The following CAMTA1 variants were observed in gnomAD, a reference collection of about 807,000 sequenced individuals.
CAMTA1 encodes the protein calmodulin binding transcription activator 1, also known as calmodulin-binding transcription activator 1.
CAMTA1 carries 27 observed loss-of-function variants against 170.9 expected under a neutral mutation model. That is an observed-to-expected ratio of 0.16 (90% CI 0.12 to 0.22). The LOEUF is 0.22. Among genes scored for constraint, CAMTA1 ranks in the 10% least tolerant of loss-of-function variants. The pLI, the probability that CAMTA1 is intolerant of heterozygous loss-of-function variation, is 1.00. For synonymous variants in CAMTA1, 833 were observed against 891.5 expected, an observed-to-expected ratio of 0.93 and a Z score of 1.17; for missense variants, 1,619 against 2,217.2, an observed-to-expected ratio of 0.73 and a Z score of 5.42.
intron 11 of CAMTA1, among the ~76,000 whole-genome samples, chr1:7,695,215 C>T (rs2096362885): frequency 6.6e-6 from 1 of 152,116 alleles, no homozygotes; most frequent in Admixed American, 6.5e-5. Context: ...TGGAAGCCCC[C>T]AGCACTCTGG....
At chr1:7,133,123 C>T (rs1363460800) in intron 4 of CAMTA1, among the ~76,000 whole-genome samples, 1 of 152,058 alleles carries the variant, frequency 6.6e-6, no homozygotes, top group Non-Finnish European at 1.5e-5. Context: ...TGAAATGTTT[C>T]TTCCGCTCCT....
chr1:7,718,013 C>CGTA (rs2096623650), intron 11 of CAMTA1, among the ~76,000 whole-genome samples: 1 of 152,166 alleles, frequency 6.6e-6, no homozygotes, highest in Middle Eastern at 3.2e-3. Context: ...CTGGGATGAA[C>CGTA]GTAGTCACTG....
At position 7,745,851 on chromosome 1, in the gene CAMTA1, A is replaced by G. The variant is rs1360103368; in HGVS notation, c.4377A>G (p.Ala1459=). 1 of 1,614,202 alleles carries G rather than the reference A, an allele frequency of 6.2e-7. No individual in the cohort carries two copies. Among genetic ancestry groups the G allele is most frequent in the Non-Finnish European group, 8.5e-7 (1 of 1,180,034 alleles). The change falls in exon 18 of 23, where the codon GCA becomes GCG. Residue 1459 remains alanine (A), a synonymous_variant. Coordinates refer to ENST00000303635, the MANE Select transcript of CAMTA1 (RefSeq NM_015215.4). ...CLPSAAQIRS[A]YNEPLTPSSN... Reference sequence around the variant, plus strand: ...TTTTCTCCTCTTGTTTCAGAAGTGCATATAACGAGCCTCTAACCCCTTCTT... The same window carrying G: ...TTTTCTCCTCTTGTTTCAGAAGTGCGTATAACGAGCCTCTAACCCCTTCTT...
At chr1:7,397,197 T>G (rs1332076105) in intron 5 of CAMTA1, among the ~76,000 whole-genome samples, 1 of 152,210 alleles carries the variant, frequency 6.6e-6, no homozygotes, top group Non-Finnish European at 1.5e-5. Context: ...AATTTTCTAT[T>G]TCTTCATAAT....
At chr1:7,132,818 A>G (rs142422661) in intron 4 of CAMTA1, among the ~76,000 whole-genome samples, 1 of 152,324 alleles carries the variant, frequency 6.6e-6, no homozygotes, top group East Asian at 1.9e-4. Context: ...TTTTTCATGA[A>G]TGGATGTTGG....
chr1:7,183,201 G>A (rs896540202), intron 4 of CAMTA1, among the ~76,000 whole-genome samples: 3 of 152,082 alleles, frequency 2.0e-5, no homozygotes, highest in African/African-American at 7.2e-5. Flanking sequence ...GTGAGAGAGG[G>A]AGCAAGAGAA....
chr1:7,198,089 C>A (rs1358511671), intron 4 of CAMTA1, among the ~76,000 whole-genome samples: 1 of 152,130 alleles, frequency 6.6e-6, no homozygotes, highest in Non-Finnish European at 1.5e-5. Flanking sequence ...TCCTAAAGAT[C>A]CCCTGCTAGA....
At chr1:6,993,781 T>C (rs1195266846) in intron 3 of CAMTA1, among the ~76,000 whole-genome samples, 1 of 152,198 alleles carries the variant, frequency 6.6e-6, no homozygotes, top group Non-Finnish European at 1.5e-5. Flanking sequence ...AGTTTGGTCT[T>C]GCTTTTTCCT....
At chr1:7,434,102 G>C (rs1027890959) in intron 5 of CAMTA1, among the ~76,000 whole-genome samples, 11 of 151,966 alleles carry the variant, frequency 7.2e-5, no homozygotes, top group African/African-American at 2.7e-4. Context: ...CTCCTGGAGA[G>C]TCCCTCCCCA....
chr1:7,011,263 G>A (rs1441735900), intron 3 of CAMTA1, among the ~76,000 whole-genome samples: 3 of 152,184 alleles, frequency 2.0e-5, no homozygotes, highest in African/African-American at 7.2e-5. Context: ...GGAGGGCAAT[G>A]CTGTGATCTC....
chr1:7,667,299 CT>C (rs1209338569), intron 9 of CAMTA1, among the ~76,000 whole-genome samples: 2 of 152,200 alleles, frequency 1.3e-5, no homozygotes, highest in African/African-American at 4.8e-5. Flanking sequence ...CCCGTGCCCC[CT>C]GACCCTGGGC....
At position 7,670,638 on chromosome 1, in the gene CAMTA1, AAAGGGAG is replaced by A. The variant is rs562228336; in HGVS notation, c.2653-268_2653-262del. ...CCTGCCTGGATCTGCGAGTTACACA[AAAGGGAG>A]AAGGTCAGGGGTTGGAGCTGCCGGT... On this transcript the variant is annotated intron_variant, in intron 9 of 22. Transcript: ENST00000303635. 4.7e-4 allele frequency among the ~76,000 whole-genome samples: 71 copies of A among 152,280 alleles called. No homozygotes were observed. The East Asian group carries it at 0.013, about 28-fold the overall frequency.
At position 7,249,706 on chromosome 1, in the gene CAMTA1, T is replaced by G; in HGVS notation, c.438+80T>G. On this transcript the variant is annotated intron_variant, in intron 5 of 22. Coordinates refer to ENST00000303635, the MANE Select transcript of CAMTA1 (RefSeq NM_015215.4). This position sits in a 1 kb window ranked among gnomAD's most constrained non-coding sequence, Gnocchi z 4.4. ...GGAGAATGGAATTGCTTGGAGTAAT[T>G]TGATGCGAGTCACCTCTGTCCAAAG... 2 of 1,504,196 alleles carry G rather than the reference T, an allele frequency of 1.3e-6. No homozygotes were observed. The highest frequency in any genetic ancestry group is 2.6e-5 in the South Asian group (2 of 78,026). The allele number at this position is 1,504,196 out of a possible 1,614,324, so 93.2% of individuals were successfully genotyped here. A position where few individuals can be genotyped will look rare whatever the true frequency, so the allele number is the denominator to read the frequency against.
intron 3 of CAMTA1, among the ~76,000 whole-genome samples, chr1:6,936,344 A>T (rs74051062): frequency 0.013 from 1,965 of 152,328 alleles, 34 homozygotes; most frequent in African/African-American, 0.044. Flanking sequence ...TGGCATTTCC[A>T]CTGAAATGAA....
intron 10 of CAMTA1, among the ~76,000 whole-genome samples, chr1:7,677,106 C>T (rs929459825): frequency 6.6e-6 from 1 of 152,110 alleles, no homozygotes; most frequent in Non-Finnish European, 1.5e-5. Flanking sequence ...ATCGGGGAAG[C>T]AGAAGAACTA....
chr1:7,151,043 G>C (rs1006044587), intron 4 of CAMTA1, among the ~76,000 whole-genome samples: 1 of 152,210 alleles, frequency 6.6e-6, no homozygotes, highest in Non-Finnish European at 1.5e-5. Flanking sequence ...AAATCTGTTG[G>C]GGGGAGCACC....
chr1:7,275,601 G>A (rs1670478501), intron 5 of CAMTA1, among the ~76,000 whole-genome samples: 1 of 151,934 alleles, frequency 6.6e-6, no homozygotes, highest in Non-Finnish European at 1.5e-5. Flanking sequence ...CACATTAAAG[G>A]TAACCTAAGA....
intron 3 of CAMTA1, among the ~76,000 whole-genome samples, chr1:7,068,547 G>C (rs1305359351): frequency 6.6e-6 from 1 of 152,148 alleles, no homozygotes; most frequent in African/African-American, 2.4e-5. Flanking sequence ...AACGTGCCCT[G>C]TGTGAGGTGC....
chr1:7,161,962 C>T (rs1011385197), intron 4 of CAMTA1, among the ~76,000 whole-genome samples: 3 of 152,138 alleles, frequency 2.0e-5, no homozygotes, highest in South Asian at 4.2e-4. Flanking sequence ...CTCTCTGTGT[C>T]GGCAACGTCA....
Sources: gnomAD v4.1 joint callset for allele counts (sites outside exome capture counted in the v4.1 genomes callset) on GRCh38, gnomAD v4.1.1 for gene constraint, Gnocchi (gnomAD v3.1) non-coding constraint, MANE v1.5 for transcripts, NCBI Gene and HGNC (gene_info 2026-07-23, HGNC 2026-07-21) for gene names.